Variants in ATRX observed in about 807,000 individuals in gnomAD.
ATRX encodes ATRX chromatin remodeler, also known as chromatin remodeler ATRX.
In ATRX, 12 loss-of-function variants were observed where a neutral mutation model predicts 172.6. That is an observed-to-expected ratio of 0.07 (90% CI 0.04 to 0.11). ATRX has a LOEUF of 0.11. Among genes scored for constraint, ATRX ranks in the 10% least tolerant of loss-of-function variants. The pLI is 1.00. For synonymous variants in ATRX, 674 were observed against 594.7 expected (o/e 1.13, Z -1.94); for missense variants, 1,368 against 1,767.4 (o/e 0.77, Z 4.05).
In ATRX at chrX:77,663,423, G is replaced by C. The variant is rs2148487649; in HGVS notation, c.4079C>G (p.Pro1360Arg). 8.3e-7 allele frequency: 1 copy of C among 1,211,470 alleles called. No individual in the cohort carries two copies. Among genetic ancestry groups the C allele is most frequent in the Non-Finnish European group, 1.1e-6 (1 of 895,387 alleles). ...GCCTTTGACTTCTTTATGCTCTTTA[G>C]GCTTTGTCTTTTTTTCTTCTCCAGA... ...GESGEEKKTK[P>R]KEHKEVKGRN... The change falls in exon 12 of 35, where the codon CCT (proline) becomes CGT (arginine). Residue 1360 changes from proline (P) to arginine (R), a missense_variant. Coordinates refer to ENST00000373344, the MANE Select transcript of ATRX (RefSeq NM_000489.6).
intron 1 of ATRX, among the ~76,000 whole-genome samples, chrX:77,718,621 A>G (rs368205270): frequency 1.8e-5 from 2 of 110,707 alleles, no homozygotes; most frequent in East Asian, 2.9e-4. Flanking sequence ...TGATCCACCC[A>G]TCTCGGCCTC....
intron 10 of ATRX, chrX:77,674,089 T>G (rs1258737206): frequency 2.7e-5 from 3 of 111,098 alleles, no homozygotes; most frequent in African/African-American, 9.8e-5. Flanking sequence ...TATACACAAT[T>G]TACACACAAT....
intron 15 of ATRX, among the ~76,000 whole-genome samples, chrX:77,651,422 A>G (rs1024150210): frequency 2.7e-5 from 3 of 111,121 alleles, no homozygotes; most frequent in South Asian, 3.7e-4. Flanking sequence ...ACATTTCTCT[A>G]CCCAAAATAC....
At chrX:77,614,108 C>T (rs1490621756) in intron 22 of ATRX, among the ~76,000 whole-genome samples, 1 of 111,785 alleles carries the variant, frequency 8.9e-6, no homozygotes, top group Admixed American at 9.5e-5. Context: ...ATGTTAAAAA[C>T]AAAATTTGGG....
At chrX:77,524,736 A>C (rs1181769050) in intron 30 of ATRX, among the ~76,000 whole-genome samples, 2 of 108,056 alleles carry the variant, frequency 1.9e-5, no homozygotes, top group Non-Finnish European at 3.8e-5. Flanking sequence ...CATAATAGAG[A>C]CTTTATAATT....
chrX:77,541,822 A>C (rs913008607), intron 30 of ATRX, among the ~76,000 whole-genome samples: 43 of 111,872 alleles, frequency 3.8e-4, no homozygotes, highest in African/African-American at 1.3e-3. Flanking sequence ...GTATCTCAAA[A>C]TAATAAGAGC....
intron 34 of ATRX, among the ~76,000 whole-genome samples, chrX:77,509,285 A>T (rs1207338831): frequency 8.9e-6 from 1 of 111,982 alleles, no homozygotes; most frequent in Non-Finnish European, 1.9e-5. Context: ...CCATAGCTCT[A>T]CCTTTTATTC....
chrX:77,598,054 T>C (rs1338139450), intron 25 of ATRX, among the ~76,000 whole-genome samples: 2 of 111,461 alleles, frequency 1.8e-5, no homozygotes, highest in Non-Finnish European at 3.8e-5. Context: ...CAACAGTGGA[T>C]TGGATAGAGA....
chrX:77,565,553 A>G (rs1048803678), intron 28 of ATRX, among the ~76,000 whole-genome samples: 20 of 112,266 alleles, frequency 1.8e-4, no homozygotes, highest in African/African-American at 6.1e-4. Flanking sequence ...GACATAAAAA[A>G]AGAATCAACT....
intron 30 of ATRX, among the ~76,000 whole-genome samples, chrX:77,527,070 C>T (rs900340215): frequency 3.6e-5 from 4 of 112,327 alleles, no homozygotes; most frequent in African/African-American, 1.3e-4. Flanking sequence ...TTTCAAAGAA[C>T]CGAACAAAAC....
intron 7 of ATRX, among the ~76,000 whole-genome samples, chrX:77,685,877 C>T (rs140593181): frequency 0.011 from 1,218 of 111,996 alleles, 7 homozygotes; most frequent in Non-Finnish European, 0.017. Context: ...GAATGAGATC[C>T]TGTCATTTGC....
chrX:77,593,779 A>T lies in ATRX; in HGVS notation c.6027T>A (p.Ala2009=). The T allele has an allele frequency of 8.3e-7, 1 of 1,210,250 alleles. No homozygotes were observed. Among genetic ancestry groups the T allele is most frequent in the Non-Finnish European group, 1.1e-6 (1 of 894,023 alleles). ...CAGAATGCTCTAAAACCTCAGCATC[A>T]GCATCTGTAACAAAATCTTTGTACC... is the stretch of plus-strand genomic sequence containing the variant. ...PDWYKDFVTD[A]DAEVLEHSGK... The change falls in exon 26 of 35, where the codon GCT becomes GCA. Residue 2009 remains alanine, a synonymous_variant. Coordinates refer to ENST00000373344, the MANE Select transcript of ATRX (RefSeq NM_000489.6).
intron 1 of ATRX, among the ~76,000 whole-genome samples, chrX:77,718,436 T>C (rs782463970): frequency 4.9e-4 from 52 of 105,313 alleles, no homozygotes; most frequent in South Asian, 2.2e-3. Context: ...TGCAGTGGCG[T>C]GATCTTGGCT....
At chrX:77,534,164 T>C (rs1473625650) in intron 30 of ATRX, among the ~76,000 whole-genome samples, 1 of 111,881 alleles carries the variant, frequency 8.9e-6, no homozygotes. Context: ...TTGAAAATCA[T>C]TTATGTAGTT....
chrX:77,537,248 T>A (rs1557048678), intron 30 of ATRX, among the ~76,000 whole-genome samples: 1 of 111,553 alleles, frequency 9.0e-6, no homozygotes, highest in East Asian at 2.8e-4. Context: ...CTACTAAGCA[T>A]CTACTTCATG....
At chrX:77,676,872 A>G (rs1557133832) in intron 9 of ATRX, among the ~76,000 whole-genome samples, 2 of 112,364 alleles carry the variant, frequency 1.8e-5, no homozygotes, top group Admixed American at 1.9e-4. Flanking sequence ...CTGTAATCCC[A>G]GCACTTTGGG....
At position 77,760,618 on chromosome X, in the gene ATRX, ATAAAAAT is replaced by A. The variant is rs1465768293; in HGVS notation, c.20+25357_20+25363del. Among the ~76,000 whole-genome samples, 437 of 110,235 alleles carry A rather than the reference ATAAAAAT, an allele frequency of 4.0e-3. 1 individual carries two copies. Among genetic ancestry groups the A allele is most frequent in the African/African-American group, 0.014 (425 of 29,867 alleles). ...GTACCCTAAAACTTAAAGTATAATA[ATAAAAAT>A]AAATAAATAAACTGAAAAAATTCTA... On this transcript the variant is annotated intron_variant, in intron 1 of 34. Coordinates refer to ENST00000373344, the MANE Select transcript of ATRX (RefSeq NM_000489.6).
intron 9 of ATRX, among the ~76,000 whole-genome samples, chrX:77,676,509 T>C: frequency 8.9e-6 from 1 of 111,766 alleles, no homozygotes; most frequent in East Asian, 2.8e-4. Flanking sequence ...CTGGACCTTA[T>C]ATATTTCAGA....
chrX:77,731,332 C>T (rs2074290335), intron 1 of ATRX, among the ~76,000 whole-genome samples: 1 of 111,617 alleles, frequency 9.0e-6, no homozygotes, highest in African/African-American at 3.3e-5. Flanking sequence ...GAGATTGACA[C>T]CATAATAAAA....
Sources: gnomAD v4.1 joint callset for allele counts (sites outside exome capture counted in the v4.1 genomes callset) on GRCh38, gnomAD v4.1.1 for gene constraint, MANE v1.5 for transcripts, NCBI Gene and HGNC (gene_info 2026-07-23, HGNC 2026-07-21) for gene names.